Variants in BTBD9 observed in about 807,000 individuals in gnomAD.
The protein encoded by BTBD9 is BTB domain containing 9.
In BTBD9, 49 loss-of-function variants were observed where a neutral mutation model predicts 64.3. The ratio of observed to expected loss-of-function variants is 0.76; its 90% CI spans 0.61 to 0.97. The LOEUF is 0.97. BTBD9 is among the 50% of genes least tolerant of loss of function. The pLI is 0.00. For synonymous variants in BTBD9, 260 were observed against 274.7 expected, an observed-to-expected ratio of 0.95 and a Z score of 0.53; for missense variants, 598 against 762.1, an observed-to-expected ratio of 0.78 and a Z score of 2.53.
intron 9 of BTBD9, among the ~76,000 whole-genome samples, chr6:38,224,975 A>C (rs1763345054): frequency 6.6e-6 from 1 of 152,230 alleles, no homozygotes; most frequent in Non-Finnish European, 1.5e-5. Context: ...ACTTAGTTTA[A>C]GGTAACTAAC....
At chr6:38,522,321 A>G (rs1773305605) in intron 6 of BTBD9, among the ~76,000 whole-genome samples, 1 of 152,180 alleles carries the variant, frequency 6.6e-6, no homozygotes, top group Non-Finnish European at 1.5e-5. Flanking sequence ...GAGCTATTCT[A>G]TATTTCTTCT....
intron 5 of BTBD9, among the ~76,000 whole-genome samples, chr6:38,577,964 G>C (rs1776128239): frequency 6.6e-6 from 1 of 152,116 alleles, no homozygotes; most frequent in Non-Finnish European, 1.5e-5. Context: ...AGGCCATCCT[G>C]TACTTATATT....
intron 6 of BTBD9, among the ~76,000 whole-genome samples, chr6:38,438,605 C>T (rs1236903225): frequency 6.6e-6 from 1 of 152,142 alleles, no homozygotes; most frequent in Non-Finnish European, 1.5e-5. Context: ...ATTAAATGGA[C>T]AGATTCCTTT....
intron 7 of BTBD9, among the ~76,000 whole-genome samples, chr6:38,316,314 T>C (rs1763027647): frequency 6.6e-6 from 1 of 152,240 alleles, no homozygotes. Flanking sequence ...GTGTTATTGC[T>C]GATGAGTAAT....
chr6:38,392,660 CG>C (rs1766474415), intron 6 of BTBD9, among the ~76,000 whole-genome samples: 1 of 152,036 alleles, frequency 6.6e-6, no homozygotes, highest in Non-Finnish European at 1.5e-5. Context: ...TCCAACAACA[CG>C]TAGCAAGAAA....
chr6:38,391,242 T>A (rs1266050610), intron 6 of BTBD9, among the ~76,000 whole-genome samples: 1 of 152,216 alleles, frequency 6.6e-6, no homozygotes, highest in Non-Finnish European at 1.5e-5. Flanking sequence ...TTATCAAGTC[T>A]TAAGTTACAA....
At chr6:38,543,785 G>A (rs1159093982) in intron 6 of BTBD9, among the ~76,000 whole-genome samples, 3 of 151,906 alleles carry the variant, frequency 2.0e-5, no homozygotes, top group Non-Finnish European at 4.4e-5. Context: ...GTGAAACCCC[G>A]TTTCTACTAA....
At chr6:38,368,717 C>T (rs760019100) in intron 6 of BTBD9, among the ~76,000 whole-genome samples, 1 of 152,052 alleles carries the variant, frequency 6.6e-6, no homozygotes, top group Non-Finnish European at 1.5e-5. Flanking sequence ...AAAATATGTA[C>T]AAAATTTTAT....
chr6:38,328,148 T>C (rs1321171353), intron 7 of BTBD9, among the ~76,000 whole-genome samples: 4 of 152,190 alleles, frequency 2.6e-5, no homozygotes, highest in African/African-American at 4.8e-5. Flanking sequence ...GAAAATGTAA[T>C]AAAAACCCAA....
intron 6 of BTBD9, among the ~76,000 whole-genome samples, chr6:38,518,083 A>G (rs1773117812): frequency 6.6e-6 from 1 of 152,236 alleles, no homozygotes; most frequent in Non-Finnish European, 1.5e-5. Context: ...CTAAAAGACC[A>G]GGGCCAATAC....
chr6:38,449,276 T>C (rs1769413724), intron 6 of BTBD9, among the ~76,000 whole-genome samples: 1 of 152,200 alleles, frequency 6.6e-6, no homozygotes, highest in African/African-American at 2.4e-5. Context: ...AAGAATAGTC[T>C]GCCTCAAAAG....
chr6:38,417,677 G>T (rs755322913), intron 6 of BTBD9, among the ~76,000 whole-genome samples: 1 of 152,002 alleles, frequency 6.6e-6, no homozygotes, highest in South Asian at 2.1e-4. Flanking sequence ...GGGGGCTGAG[G>T]TGGGAGGATC....
At chr6:38,592,551 G>A in intron 4 of BTBD9, 25 bp downstream of exon 4, 2 of 1,607,426 alleles carry the variant, frequency 1.2e-6, no homozygotes, top group Non-Finnish European at 1.7e-6. Flanking sequence ...CTTCTTGGTT[G>A]AGTTTAGGAT....
At position 38,586,151 on chromosome 6, in the gene BTBD9, T is replaced by C. The variant is rs550861632; in HGVS notation, c.815-5714A>G. On this transcript the variant is annotated intron_variant, in intron 4 of 10. Transcript: ENST00000481247. Reference sequence around the variant, plus strand: ...AATCTAAAACCTGAGATATACAAAATGAAATATAACTCAGCCTTAACAAAA... The same window carrying C: ...AATCTAAAACCTGAGATATACAAAACGAAATATAACTCAGCCTTAACAAAA... 9.1e-4 allele frequency among the ~76,000 whole-genome samples: 139 copies of C among 152,120 alleles called. 1 individual carries two copies. Among genetic ancestry groups the C allele is most frequent in the African/African-American group, 3.0e-3 (126 of 41,488 alleles).
At chr6:38,469,322 C>CT (rs11432881) in intron 6 of BTBD9, among the ~76,000 whole-genome samples, 50,159 of 127,532 alleles carry the variant, frequency 0.39, 10,668 homozygotes, top group Middle Eastern at 0.5. Context: ...TTTTTTTTTC[C>CT]TTTTTTTTTT....
intron 10 of BTBD9, among the ~76,000 whole-genome samples, chr6:38,192,021 T>C (rs1051092507): frequency 6.6e-6 from 1 of 152,250 alleles, no homozygotes; most frequent in Non-Finnish European, 1.5e-5. Flanking sequence ...CTTTTATGTT[T>C]CTCATCTACC....
intron 6 of BTBD9, among the ~76,000 whole-genome samples, chr6:38,372,254 A>C (rs958291104): frequency 6.6e-6 from 1 of 152,226 alleles, no homozygotes; most frequent in Non-Finnish European, 1.5e-5. Flanking sequence ...AATTCCTGGA[A>C]GATAATATCT....
chr6:38,316,465 GT>G (rs1330848568), intron 7 of BTBD9, among the ~76,000 whole-genome samples: 2 of 152,030 alleles, frequency 1.3e-5, no homozygotes, highest in African/African-American at 2.4e-5. Context: ...TCTATTGTAT[GT>G]TTTTAGATTT....
At chr6:38,535,994 G>A (rs1361762187) in intron 6 of BTBD9, among the ~76,000 whole-genome samples, 1 of 152,020 alleles carries the variant, frequency 6.6e-6, no homozygotes, top group African/African-American at 2.4e-5. Flanking sequence ...ATGGATAAAT[G>A]GGATCATATC....
Sources: allele counts gnomAD v4.1 joint callset (sites outside exome capture counted in the v4.1 genomes callset), GRCh38; gene constraint gnomAD v4.1.1; transcripts MANE v1.5; gene names NCBI Gene and HGNC (gene_info 2026-07-23, HGNC 2026-07-21).